CYP4Z1: variants seen among roughly 807,000 people sequenced by gnomAD.
CYP4Z1 encodes the protein cytochrome P450 family 4 subfamily Z member 1, also known as cytochrome P450 4Z1.
A neutral mutation model predicts 54.2 loss-of-function variants in CYP4Z1; 41 were observed. The observed-to-expected ratio is 0.76, with a 90% CI of 0.59 to 0.98. CYP4Z1 has a LOEUF of 0.98. Among genes scored for constraint, CYP4Z1 ranks in the 50% least tolerant of loss-of-function variants. The pLI, the probability that CYP4Z1 is intolerant of heterozygous loss-of-function variation, is 0.00. For synonymous variants in CYP4Z1, 163 were observed against 206.2 expected, an observed-to-expected ratio of 0.79 and a Z score of 1.79; for missense variants, 513 against 599.0, an observed-to-expected ratio of 0.86 and a Z score of 1.50.
intron 3 of CYP4Z1, 64 bp from the exon 4 acceptor site, chr1:47,082,270 G>A (rs1012833067): frequency 1.9e-5 from 30 of 1,541,420 alleles, no homozygotes; most frequent in Admixed American, 6.0e-5. Context: ...TGCTCACTGC[G>A]TGCCTAGTCT....
At chr1:47,097,570 T>G (rs1036250096) in intron 7 of CYP4Z1, among the ~76,000 whole-genome samples, 1 of 152,184 alleles carries the variant, frequency 6.6e-6, no homozygotes, top group African/African-American at 2.4e-5. Context: ...AGGGAATCCT[T>G]TTTCCATTGC....
intron 7 of CYP4Z1, chr1:47,096,686 T>A (rs1240025701): frequency 1.3e-5 from 2 of 150,326 alleles, no homozygotes; most frequent in African/African-American, 4.9e-5. Flanking sequence ...TGGAGTGCAG[T>A]GGCGCGATCT....
At chr1:47,088,503 C>G (rs1452043114) in intron 6 of CYP4Z1, among the ~76,000 whole-genome samples, 3 of 152,106 alleles carry the variant, frequency 2.0e-5, no homozygotes, top group Non-Finnish European at 4.4e-5. Context: ...ATAGTATTCT[C>G]TGATAGTAGT....
chr1:47,069,137 G>A (rs1386817226), intron 2 of CYP4Z1, among the ~76,000 whole-genome samples: 2 of 152,270 alleles, frequency 1.3e-5, no homozygotes, highest in Non-Finnish European at 2.9e-5. Context: ...AGAGATGAGT[G>A]TTCCCCATAG....
intron 9 of CYP4Z1, among the ~76,000 whole-genome samples, chr1:47,108,944 C>T (rs1644775148): frequency 6.6e-6 from 1 of 152,074 alleles, no homozygotes; most frequent in African/African-American, 2.4e-5. Context: ...ACCTTGCTTC[C>T]ATGGTCTCAG....
the CYP4Z1 span, among the ~76,000 whole-genome samples, chr1:47,057,379 T>C: frequency 7.9e-6 from 1 of 126,102 alleles, no homozygotes; most frequent in South Asian, 2.4e-4. Flanking sequence ...TATATATATG[T>C]ATATTCTGCT....
intron 8 of CYP4Z1, among the ~76,000 whole-genome samples, chr1:47,103,346 A>AT (rs34153404): frequency 1.6e-4 from 23 of 147,092 alleles, no homozygotes; most frequent in South Asian, 2.2e-4. Context: ...TGCCTGGCTA[A>AT]TTTTTTTTTT....
chr1:47,117,648 A>AG, intron 11 of CYP4Z1, 118 bp from the exon 12 acceptor site: 1 of 1,045,930 alleles, frequency 9.6e-7, no homozygotes, highest in Non-Finnish European at 1.3e-6. Context: ...GCAGGATGAC[A>AG]GAAAAAAAAA....
chr1:47,057,279 C>T, the CYP4Z1 span, among the ~76,000 whole-genome samples: 31 of 134,338 alleles, frequency 2.3e-4, 1 homozygote, highest in East Asian at 4.9e-3. Context: ...GAGTTTCTGC[C>T]GAGGGATCAG....
chr1:47,113,541 C>T (rs1184226249), intron 9 of CYP4Z1, among the ~76,000 whole-genome samples: 5 of 152,112 alleles, frequency 3.3e-5, no homozygotes, highest in African/African-American at 4.8e-5. Flanking sequence ...AAATGGTTAA[C>T]GAAATTATGA....
chr1:47,094,466 G>C, intron 6 of CYP4Z1, 100 bp from the exon 7 acceptor site: 1 of 788,812 alleles, frequency 1.3e-6, no homozygotes, highest in Non-Finnish European at 2.0e-6. Flanking sequence ...GGGGCAGCCA[G>C]GGGCTACCGA....
At chr1:47,094,977 A>G (rs1644667226) in intron 7 of CYP4Z1, among the ~76,000 whole-genome samples, 1 of 152,200 alleles carries the variant, frequency 6.6e-6, no homozygotes, top group African/African-American at 2.4e-5. Context: ...TAAATAAATA[A>G]GTAAAATTAA....
chr1:47,064,084 T>TA (rs973018377), upstream of CYP4Z1, among the ~76,000 whole-genome samples: 2 of 148,374 alleles, frequency 1.3e-5, no homozygotes, highest in African/African-American at 5.0e-5. Flanking sequence ...TGGGTCCTTT[T>TA]TTTTTTTTTT....
the CYP4Z1 span, among the ~76,000 whole-genome samples, chr1:47,056,097 C>G: frequency 1.3e-5 from 2 of 152,076 alleles, no homozygotes; most frequent in Non-Finnish European, 1.5e-5. Context: ...TTGAATGTGT[C>G]CCATACATTC....
intron 6 of CYP4Z1, 112 bp from the exon 7 acceptor site, chr1:47,094,454 G>C (rs551164117): frequency 1.8e-5 from 12 of 679,904 alleles, no homozygotes; most frequent in African/African-American, 3.7e-5. Context: ...AACATTGGGT[G>C]GGGGGCAGCC....
At chr1:47,100,363 A>G (rs1456652226) in intron 8 of CYP4Z1, among the ~76,000 whole-genome samples, 2 of 152,228 alleles carry the variant, frequency 1.3e-5, no homozygotes, top group African/African-American at 4.8e-5. Flanking sequence ...ATCCACAGTC[A>G]ACAGCAGTCC....
chr1:47,082,450 C>G lies in CYP4Z1; in HGVS notation c.481C>G (p.Arg161Gly). The G allele has an allele frequency of 6.2e-7, 1 of 1,611,732 alleles. No homozygotes were observed. The highest frequency in any genetic ancestry group is 1.1e-5 in the South Asian group (1 of 90,510). The change falls in exon 4 of 12, where the codon CGG (arginine) becomes GGG (glycine). Residue 161 changes from arginine to glycine, a missense_variant. Physicochemically the swap from Arg to Gly is moderately radical, Grantham distance 125 (BLOSUM62 -2). Transcript: ENST00000334194. ...CATCACCATGATGTCTGAGAGTGTT[C>G]GGATGATGCTGGTAAGAGGAGAAGA... ...IFITMMSESVRMMLNKWEEHI... is the reference protein window; with the variant it reads ...IFITMMSESVGMMLNKWEEHI...
At chr1:47,109,927 T>C (rs1390886154) in intron 9 of CYP4Z1, among the ~76,000 whole-genome samples, 1 of 152,164 alleles carries the variant, frequency 6.6e-6, no homozygotes, top group Non-Finnish European at 1.5e-5. Context: ...CTATTTCCTT[T>C]TTGCCCTAAG....
rs563291675 is a variant in CYP4Z1 at position 47,087,985 on chromosome 1, G to A, written c.772+3007G>A. 2.0e-5 allele frequency among the ~76,000 whole-genome samples: 3 copies of A among 152,212 alleles called. No individual in the cohort carries two copies. In the South Asian group the frequency reaches 6.2e-4, roughly 32 times the overall value. ...TTTTTGTCTTTGGTTCTCTTTATAT[G>A]CTGGATTACGTTGATTGATTTGCGT... On this transcript the variant is annotated intron_variant, in intron 6 of 11. Coordinates refer to ENST00000334194, the MANE Select transcript of CYP4Z1 (RefSeq NM_178134.3).
Sources: gnomAD v4.1 joint callset for allele counts (sites outside exome capture counted in the v4.1 genomes callset) on GRCh38, gnomAD v4.1.1 for gene constraint, MANE v1.5 for transcripts, NCBI Gene and HGNC (gene_info 2026-07-23, HGNC 2026-07-21) for gene names.